KIF16B: variants seen among roughly 807,000 people sequenced by gnomAD.
KIF16B encodes kinesin family member 16B, also known as kinesin-like protein KIF16B.
KIF16B carries 98 observed loss-of-function variants against 156.3 expected under a neutral mutation model. The observed-to-expected ratio is 0.63, with a 90% CI of 0.53 to 0.74. The LOEUF (loss-of-function observed/expected upper bound fraction) is 0.74. KIF16B is among the 30% of genes least tolerant of loss of function. The pLI is 0.00. For missense variants in KIF16B, 1,421 were observed against 1,606.5 expected, an observed-to-expected ratio of 0.88 and a Z score of 1.97; for synonymous variants, 564 against 583.7, an observed-to-expected ratio of 0.97 and a Z score of 0.49.
At chr20:16,311,318 G>A (rs1227394277) in intron 25 of KIF16B, among the ~76,000 whole-genome samples, 8 of 152,130 alleles carry the variant, frequency 5.3e-5, no homozygotes, top group Admixed American at 1.3e-4. Flanking sequence ...GTGAAACCCC[G>A]TCTCTACTAA....
At chr20:16,419,032 T>C (rs2066161449) in intron 15 of KIF16B, among the ~76,000 whole-genome samples, 1 of 152,022 alleles carries the variant, frequency 6.6e-6, no homozygotes, top group Non-Finnish European at 1.5e-5. Flanking sequence ...AAAACCCGAC[T>C]GCAGGGCCTG....
chr20:16,363,189 AG>A (rs2064584548), intron 22 of KIF16B, among the ~76,000 whole-genome samples: 1 of 152,212 alleles, frequency 6.6e-6, no homozygotes, highest in Non-Finnish European at 1.5e-5. Flanking sequence ...TCTGCAACAG[AG>A]GGTGCCACGG....
chr20:16,286,926 C>T (rs2063231239), intron 25 of KIF16B, among the ~76,000 whole-genome samples: 1 of 152,202 alleles, frequency 6.6e-6, no homozygotes, highest in African/African-American at 2.4e-5. Context: ...GACTTGAGAG[C>T]CCCAGCTGAG....
intron 3 of KIF16B, among the ~76,000 whole-genome samples, chr20:16,516,277 G>A (rs2069140335): frequency 6.6e-6 from 1 of 152,164 alleles, no homozygotes; most frequent in South Asian, 2.1e-4. Flanking sequence ...GAGACAAGCT[G>A]TGTGGGGCTG....
At chr20:16,545,873 A>C (rs1416078314) in intron 1 of KIF16B, among the ~76,000 whole-genome samples, 2 of 151,476 alleles carry the variant, frequency 1.3e-5, no homozygotes, top group South Asian at 2.1e-4. Flanking sequence ...TTTTATCTCT[A>C]TTCTAGAAAA....
At chr20:16,417,167 C>T (rs543600678) in intron 15 of KIF16B, among the ~76,000 whole-genome samples, 2 of 152,276 alleles carry the variant, frequency 1.3e-5, no homozygotes, top group South Asian at 2.1e-4. Context: ...GGGAAATATG[C>T]AGGAAAGCAA....
At chr20:16,555,286 C>T (rs572705063) in intron 1 of KIF16B, among the ~76,000 whole-genome samples, 3 of 152,326 alleles carry the variant, frequency 2.0e-5, no homozygotes, top group Non-Finnish European at 4.4e-5. Flanking sequence ...ACATATGATC[C>T]TCCTCACTGT....
At chr20:16,324,000 G>A (rs1034669720) in intron 24 of KIF16B, among the ~76,000 whole-genome samples, 4 of 151,862 alleles carry the variant, frequency 2.6e-5, no homozygotes, top group African/African-American at 4.8e-5. Context: ...CCCAGTGAAC[G>A]TAAACTTGAG....
At chr20:16,387,157 C>A (rs928988104) in intron 17 of KIF16B, among the ~76,000 whole-genome samples, 2 of 152,068 alleles carry the variant, frequency 1.3e-5, no homozygotes, top group Non-Finnish European at 2.9e-5. Flanking sequence ...GAAATAATAG[C>A]AGGGTTAGAA....
intron 1 of KIF16B, among the ~76,000 whole-genome samples, chr20:16,556,010 G>T (rs552276769): frequency 6.6e-6 from 1 of 152,190 alleles, no homozygotes; most frequent in Non-Finnish European, 1.5e-5. Context: ...TTGGGGAAAA[G>T]CTTGCCTTGG....
At position 16,346,436 on chromosome 20, in the gene KIF16B, T is replaced by C. The variant is rs1206230597; in HGVS notation, c.3621+9894A>G. On this transcript the variant is annotated intron_variant, in intron 23 of 25. Coordinates refer to ENST00000354981, the MANE Select transcript of KIF16B (RefSeq NM_024704.5). ...ATGCATCACCGACAAGTACAGAAGG[T>C]GCCTCAGAGCCTCAGGCTTGTGAAC... Among the ~76,000 whole-genome samples the C allele has an allele frequency of 5.9e-5, 9 of 152,192 alleles. No homozygotes were observed. In the South Asian group the frequency reaches 1.9e-3, roughly 32 times the overall value.
At chr20:16,306,772 AATCATCTCT>A (rs1214587484) in intron 25 of KIF16B, among the ~76,000 whole-genome samples, 2 of 152,098 alleles carry the variant, frequency 1.3e-5, no homozygotes, top group African/African-American at 2.4e-5. Flanking sequence ...CCACCACCAC[AATCATCTCT>A]ATCATCTCTA....
At position 16,371,690 on chromosome 20, in the gene KIF16B, C is replaced by T; in HGVS notation, c.3422G>A (p.Cys1141Tyr). 1 of 1,613,248 alleles carries T rather than the reference C, an allele frequency of 6.2e-7. No individual in the cohort carries two copies. The highest frequency in any genetic ancestry group is 1.1e-5 in the South Asian group (1 of 91,042). ...QDLHRVISEG[C>Y]STSADTMKDN... ...CTTCATCGTGTCTGCAGATGTACTG[C>T]AGCCTTCACTAATCACACGATGCAA... The change falls in exon 21 of 26, where the codon TGC (cysteine) becomes TAC (tyrosine). Residue 1141 changes from cysteine (C) to tyrosine (Y), a missense_variant. Transcript: ENST00000354981.
At chr20:16,351,657 ATCTC>A (rs3074038) in intron 23 of KIF16B, among the ~76,000 whole-genome samples, 7,225 of 152,222 alleles carry the variant, frequency 0.047, 216 homozygotes, top group Non-Finnish European at 0.076. Flanking sequence ...TCCCCACCCC[ATCTC>A]TATCTCTGCC....
At chr20:16,507,924 G>T in intron 7 of KIF16B, 34 bp downstream of exon 7, 3 of 1,613,000 alleles carry the variant, frequency 1.9e-6, no homozygotes, top group Non-Finnish European at 2.5e-6. Context: ...AAGACCTCAG[G>T]GATGGAGCCA....
At chr20:16,369,932 C>G (rs1263442880) in intron 22 of KIF16B, among the ~76,000 whole-genome samples, 1 of 152,218 alleles carries the variant, frequency 6.6e-6, no homozygotes, top group Non-Finnish European at 1.5e-5. Flanking sequence ...CACATCATTA[C>G]TGGATGACTG....
intron 23 of KIF16B, among the ~76,000 whole-genome samples, chr20:16,342,444 TAAGAG>T (rs1245191084): frequency 6.6e-6 from 1 of 152,174 alleles, no homozygotes; most frequent in East Asian, 1.9e-4. Flanking sequence ...TCAAATTAGG[TAAGAG>T]TTCAGGCTTG....
chr20:16,422,080 T>G (rs2066240345), intron 15 of KIF16B, among the ~76,000 whole-genome samples: 2 of 152,108 alleles, frequency 1.3e-5, no homozygotes, highest in South Asian at 4.1e-4. Flanking sequence ...GGTAAAAGTT[T>G]AAGATCAAAA....
At chr20:16,527,925 T>TA (rs2069608423) in intron 2 of KIF16B, among the ~76,000 whole-genome samples, 1 of 152,216 alleles carries the variant, frequency 6.6e-6, no homozygotes, top group Non-Finnish European at 1.5e-5. Flanking sequence ...TGGTTTTTTT[T>TA]AATCTTTCCT....
Sources: allele counts gnomAD v4.1 joint callset (sites outside exome capture counted in the v4.1 genomes callset), GRCh38; gene constraint gnomAD v4.1.1; transcripts MANE v1.5; gene names NCBI Gene and HGNC (gene_info 2026-07-23, HGNC 2026-07-21).